MDN1: variants seen among roughly 807,000 people sequenced by gnomAD.
The protein encoded by MDN1 is midasin AAA ATPase 1.
MDN1 carries 266 observed loss-of-function variants against 669.2 expected under a neutral mutation model. The observed-to-expected ratio is 0.40, with a 90% CI of 0.36 to 0.44. The LOEUF (loss-of-function observed/expected upper bound fraction) is 0.44. Ranked by LOEUF, MDN1 falls within the 20% of genes least tolerant of loss-of-function variation. The probability of loss-of-function intolerance (pLI) is 1.00; values close to 1 mark genes in which losing one functional copy is unlikely to be tolerated. For synonymous variants in MDN1, 2,385 were observed against 2,457.1 expected (o/e 0.97, Z 0.87); for missense variants, 5,940 against 6,754.0 (o/e 0.88, Z 4.22).
intron 95 of MDN1, among the ~76,000 whole-genome samples, chr6:89,651,167 T>C (rs1019097995): frequency 8.5e-6 from 1 of 117,904 alleles, no homozygotes; most frequent in Non-Finnish European, 1.8e-5. Flanking sequence ...AAAAAAAAAA[T>C]ACAGAAAATT....
At position 89,772,620 on chromosome 6, in the gene MDN1, G is replaced by C. The variant is rs538044940; in HGVS notation, c.2036C>G (p.Thr679Ser). 1.4e-5 allele frequency: 22 copies of C among 1,614,122 alleles called. No homozygotes were observed. The highest frequency in any genetic ancestry group is 1.9e-5 in the Non-Finnish European group (22 of 1,180,014). The change falls in exon 14 of 102, where the codon ACC becomes AGC. Residue 679 changes from threonine (T) to serine (S), a missense_variant. Thr to Ser is a moderately conservative substitution (Grantham distance 58, BLOSUM62 1). Around this residue, in one of 5 missense-constraint regions of MDN1, gnomAD observed 1,203 missense variants for 1,268.9 expected, o/e 0.95. Coordinates refer to ENST00000369393, the MANE Select transcript of MDN1 (RefSeq NM_014611.3). ...GATGGTAGAGGTTTTGCCAGTCCCG[G>C]TCTCTCCCACCAGCAACACAGGCTC... is the stretch of plus-strand genomic sequence containing the variant. ...KGEPVLLVGE[T>S]GTGKTSTIQY...
chr6:89,702,561 T>C (rs1343939203), intron 53 of MDN1, among the ~76,000 whole-genome samples: 1 of 152,250 alleles, frequency 6.6e-6, no homozygotes, highest in African/African-American at 2.4e-5. Flanking sequence ...CTGCAATTTT[T>C]AAAGTTCTTA....
At chr6:89,739,413 A>G (rs1448152034) in intron 32 of MDN1, among the ~76,000 whole-genome samples, 2 of 152,180 alleles carry the variant, frequency 1.3e-5, no homozygotes, top group Admixed American at 6.5e-5. Context: ...TCTTCAGAGC[A>G]TATCTTGAAG....
chr6:89,680,443 G>C (rs1282574543), intron 74 of MDN1, 146 bp downstream of exon 74: 1 of 883,904 alleles, frequency 1.1e-6, no homozygotes, highest in African/African-American at 1.7e-5. Flanking sequence ...TGAGCTCTGT[G>C]GGTTTTTAAG....
intron 35 of MDN1, among the ~76,000 whole-genome samples, chr6:89,730,211 C>T (rs771861006): frequency 6.6e-6 from 1 of 152,144 alleles, no homozygotes; most frequent in Non-Finnish European, 1.5e-5. Flanking sequence ...ACTGCATTTC[C>T]CATTTAATCA....
intron 83 of MDN1, among the ~76,000 whole-genome samples, chr6:89,668,807 T>C (rs1034094740): frequency 8.5e-5 from 13 of 152,246 alleles, no homozygotes; most frequent in Admixed American, 7.2e-4. Flanking sequence ...AATTACAGCC[T>C]AGATCTATTA....
rs756019850 is a variant in MDN1, at chr6:89,723,058, C to T, written c.5864G>A (p.Cys1955Tyr). Reference sequence around the variant, plus strand: ...GGACTGGTCAACCAGCATCAACTGACACCAGCGGAAAAGGTCCCGGAGGTT... The same window carrying T: ...GGACTGGTCAACCAGCATCAACTGATACCAGCGGAAAAGGTCCCGGAGGTT... Reference protein sequence around the residue: ...EFNLRDLFRWCQLMLVDQSPG... With the variant: ...EFNLRDLFRWYQLMLVDQSPG... Residue 1955 changes from cysteine to tyrosine, a missense_variant, in exon 40 of 102, where the codon TGT (cysteine) becomes TAT (tyrosine). Physicochemically the swap from Cys to Tyr is radical, Grantham distance 194 (BLOSUM62 -2). Around this residue, in one of 5 missense-constraint regions of MDN1, gnomAD observed 2,292 missense variants for 2,638.3 expected, o/e 0.87. Coordinates refer to ENST00000369393, the MANE Select transcript of MDN1 (RefSeq NM_014611.3). The T allele has an allele frequency of 5.0e-6, 8 of 1,614,006 alleles. No individual in the cohort carries two copies. Among genetic ancestry groups the T allele is most frequent in the Non-Finnish European group, 6.8e-6 (8 of 1,179,998 alleles).
chr6:89,650,715 C>G lies in MDN1; in HGVS notation c.16031+17G>C. The G allele has an allele frequency of 6.2e-7, 1 of 1,603,420 alleles. No homozygotes were observed. Among genetic ancestry groups the G allele is most frequent in the Non-Finnish European group, 8.5e-7 (1 of 1,170,950 alleles). On this transcript the variant is annotated intron_variant, in intron 96 of 101. Coordinates refer to ENST00000369393, the MANE Select transcript of MDN1 (RefSeq NM_014611.3). ...CTTCTCAGGGCACTGTGAGGCCTTCCAGAGGGGAAGACTTACTTCAGCTTG... is the reference window on the plus strand; with the variant it reads ...CTTCTCAGGGCACTGTGAGGCCTTCGAGAGGGGAAGACTTACTTCAGCTTG...
chr6:89,655,940 T>G lies in MDN1; in HGVS notation c.15314A>C (p.Asp5105Ala), dbSNP rs201557942. 6 of 1,614,046 alleles carry G rather than the reference T, an allele frequency of 3.7e-6. No individual in the cohort carries two copies. The East Asian group carries it at 1.3e-4, about 36-fold the overall frequency. The stretch of plus-strand genomic sequence containing the variant: ...GTGATCACCCATGGAACGTTCATTG[T>G]CAGCCTGCCCAGGTTTCCTCTTAAA... ...QSFKRKPGQA[D>A]NERSMGDHNE... The change falls in exon 92 of 102, where the codon GAC becomes GCC. Residue 5105 changes from aspartate (D) to alanine (A), a missense_variant. Transcript: ENST00000369393.
Position 89,725,288 on chromosome 6 carries a change from T to G in MDN1, c.5581A>C (p.Lys1861Gln). 1 of 1,614,064 alleles carries G rather than the reference T, an allele frequency of 6.2e-7. No homozygotes were observed. Among genetic ancestry groups the G allele is most frequent in the Non-Finnish European group, 8.5e-7 (1 of 1,179,984 alleles). ...TTCTGACACCCAAAAATCTTCGTCT[T>G]TTCATGCTGCACTTGAAAGCTCATT... ...LGMSFQVQHE[K>Q]TKIFGCQNPF... Residue 1861 changes from lysine to glutamine, a missense_variant, in exon 38 of 102, where the codon AAG (lysine) becomes CAG (glutamine). This residue lies in a region of MDN1 where 2,292 missense variants were observed against 2,638.3 expected (regional missense o/e 0.87). Coordinates refer to ENST00000369393, the MANE Select transcript of MDN1 (RefSeq NM_014611.3).
At chr6:89,742,082 CAGA>C (rs1293949770) in intron 31 of MDN1, among the ~76,000 whole-genome samples, 1 of 150,338 alleles carries the variant, frequency 6.7e-6, no homozygotes, top group Non-Finnish European at 1.5e-5. Flanking sequence ...GCCTGGGTGA[CAGA>C]AGTAGACTCT....
rs752902277 is a variant in MDN1 at position 89,662,098 on chromosome 6, G to T, written c.14554C>A (p.Gln4852Lys). The T allele has an allele frequency of 1.2e-6, 2 of 1,611,604 alleles. No individual in the cohort carries two copies. The highest frequency in any genetic ancestry group is 8.5e-7 in the Non-Finnish European group (1 of 1,179,394). ...GGQGEDKINE[Q>K]IDERDYDENE... The stretch of plus-strand genomic sequence containing the variant: ...CAAATCTTCATTACCTCATCTATTT[G>T]TTCATTAATTTTGTCTTCACCTTGT... Residue 4852 changes from glutamine (Q) to lysine (K), a missense_variant, in exon 87 of 102, where the codon CAA becomes AAA. Coordinates refer to ENST00000369393, the MANE Select transcript of MDN1 (RefSeq NM_014611.3).
intron 1 of MDN1, among the ~76,000 whole-genome samples, chr6:89,811,968 C>T (rs979772413): frequency 1.3e-5 from 2 of 151,880 alleles, no homozygotes; most frequent in Non-Finnish European, 2.9e-5. Flanking sequence ...ATACTGATTA[C>T]TTAACAAATA....
chr6:89,757,203 T>A (rs1817298196), intron 19 of MDN1, among the ~76,000 whole-genome samples: 1 of 152,222 alleles, frequency 6.6e-6, no homozygotes. Flanking sequence ...TCATTTAATT[T>A]ATTTTTTCCC....
chr6:89,796,991 C>G (rs1819642418), intron 2 of MDN1, among the ~76,000 whole-genome samples: 1 of 152,078 alleles, frequency 6.6e-6, no homozygotes, highest in Non-Finnish European at 1.5e-5. Context: ...TCGCTTGAAC[C>G]TGGGAGGCGA....
intron 68 of MDN1, 55 bp downstream of exon 68, chr6:89,687,289 A>G: frequency 9.3e-6 from 14 of 1,500,848 alleles, no homozygotes; most frequent in Non-Finnish European, 1.3e-5. Flanking sequence ...TTAAACTACC[A>G]AAAGACAAAA....
At chr6:89,702,556 A>AT (rs1813230962) in intron 53 of MDN1, among the ~76,000 whole-genome samples, 1 of 152,224 alleles carries the variant, frequency 6.6e-6, no homozygotes, top group South Asian at 2.1e-4. Flanking sequence ...TGACACTGCA[A>AT]TTTTTAAAGT....
chr6:89,644,929 G>T, intron 101 of MDN1, 86 bp downstream of exon 101: 1 of 1,390,290 alleles, frequency 7.2e-7, no homozygotes, highest in Non-Finnish European at 9.8e-7. Context: ...GTATGACTGA[G>T]TGATCCAGGC....
chr6:89,748,554 C>T (rs546060390), intron 26 of MDN1, among the ~76,000 whole-genome samples: 2 of 152,236 alleles, frequency 1.3e-5, no homozygotes, highest in Admixed American at 6.5e-5. Flanking sequence ...GAATGGATCT[C>T]TTTAATTATG....
Sources: allele counts gnomAD v4.1 joint callset (sites outside exome capture counted in the v4.1 genomes callset), GRCh38; gene constraint gnomAD v4.1.1; regional missense constraint gnomAD v4.1.1; transcripts MANE v1.5; gene names NCBI Gene and HGNC (gene_info 2026-07-23, HGNC 2026-07-21).